The following MLIP variants were observed in gnomAD, a reference collection of about 807,000 sequenced individuals.
MLIP encodes the protein muscular LMNA-interacting protein.
A neutral mutation model predicts 84.8 loss-of-function variants in MLIP; 79 were observed. The observed-to-expected ratio is 0.93, with a 90% CI of 0.78 to 1.12. The LOEUF (loss-of-function observed/expected upper bound fraction) is 1.12. Ranked by LOEUF, MLIP falls within the 50% of genes most tolerant of loss-of-function variation. The pLI is 0.00. For missense variants in MLIP, 1,257 were observed against 1,160.6 expected (o/e 1.08, Z -1.21); for synonymous variants, 504 against 463.0 (o/e 1.09, Z -1.14).
At chr6:54,212,927 GT>G (rs1420598800) in intron 11 of MLIP, among the ~76,000 whole-genome samples, 2 of 152,130 alleles carry the variant, frequency 1.3e-5, no homozygotes, top group Non-Finnish European at 2.9e-5. Flanking sequence ...TATTTCTGCT[GT>G]AAATATACTT....
chr6:54,062,011 A>T (rs766017110), intron 1 of MLIP, among the ~76,000 whole-genome samples: 64 of 152,188 alleles, frequency 4.2e-4, no homozygotes, highest in Non-Finnish European at 8.8e-5. Context: ...CGTTTTAAAA[A>T]TTTCATTTTA....
At chr6:54,115,432 A>C (rs1769828537) in intron 1 of MLIP, among the ~76,000 whole-genome samples, 2 of 152,272 alleles carry the variant, frequency 1.3e-5, no homozygotes, top group African/African-American at 4.8e-5. Context: ...AAAATGTTAG[A>C]GTTGGACTAC....
intron 8 of MLIP, among the ~76,000 whole-genome samples, chr6:54,163,292 C>T (rs1487334406): frequency 6.6e-6 from 1 of 151,772 alleles, no homozygotes; most frequent in Non-Finnish European, 1.5e-5. Flanking sequence ...CTCAGAGCAG[C>T]ATATTTCTGC....
chr6:54,265,714 C>T (rs1783648081), intron 13 of MLIP, among the ~76,000 whole-genome samples: 1 of 152,066 alleles, frequency 6.6e-6, no homozygotes, highest in South Asian at 2.1e-4. Flanking sequence ...AACTGCTCTG[C>T]TGAACTGCCA....
chr6:54,131,508 A>G (rs887641093), intron 3 of MLIP, among the ~76,000 whole-genome samples: 40 of 152,238 alleles, frequency 2.6e-4, no homozygotes, highest in Non-Finnish European at 3.2e-4. Context: ...CACCTCTGTC[A>G]TATTCTATCA....
At chr6:54,230,155 A>G (rs1261652743) in intron 11 of MLIP, among the ~76,000 whole-genome samples, 17 of 152,158 alleles carry the variant, frequency 1.1e-4, no homozygotes. Flanking sequence ...TGAAGACCTT[A>G]TTCATTCTTT....
intron 1 of MLIP, among the ~76,000 whole-genome samples, chr6:54,067,319 G>T (rs1234565103): frequency 9.9e-6 from 1 of 101,086 alleles, no homozygotes; most frequent in African/African-American, 2.5e-5. Flanking sequence ...AAAGAAGACA[G>T]AAATTGACTT....
intron 12 of MLIP, among the ~76,000 whole-genome samples, chr6:54,250,235 A>G (rs1284273743): frequency 6.6e-6 from 1 of 152,132 alleles, no homozygotes; most frequent in Non-Finnish European, 1.5e-5. Flanking sequence ...GTCATGGAGA[A>G]AAAGAAACAC....
intron 5 of MLIP, among the ~76,000 whole-genome samples, chr6:54,155,897 T>G (rs1483546165): frequency 6.6e-6 from 1 of 152,122 alleles, no homozygotes; most frequent in African/African-American, 2.4e-5. Flanking sequence ...TAGTTAAGAA[T>G]TCTTTAAGAT....
At chr6:54,251,392 A>G (rs1205731674) in intron 12 of MLIP, among the ~76,000 whole-genome samples, 1 of 139,958 alleles carries the variant, frequency 7.1e-6, no homozygotes, top group Non-Finnish European at 1.5e-5. Flanking sequence ...GATTAAAAAC[A>G]CAAATACTTT....
chr6:54,041,227 T>C (rs544224162), intron 1 of MLIP, among the ~76,000 whole-genome samples: 1 of 152,276 alleles, frequency 6.6e-6, no homozygotes, highest in Admixed American at 6.6e-5. Flanking sequence ...GTTATAACAA[T>C]ATTGCTCCAT....
At chr6:54,251,146 G>C (rs1582628032) in intron 12 of MLIP, among the ~76,000 whole-genome samples, 1 of 151,948 alleles carries the variant, frequency 6.6e-6, no homozygotes, top group East Asian at 1.9e-4. Context: ...AGGACATTTT[G>C]AGTATAGTTA....
chr6:54,146,190 C>A lies in MLIP; in HGVS notation c.2218-2866C>A, dbSNP rs74786150. On this transcript the variant is annotated intron_variant, in intron 4 of 13. Transcript: ENST00000502396. The stretch of plus-strand genomic sequence containing the variant: ...TGATAGCCTACTCAGTGTGATCCAA[C>A]AGTATGAAGTAATTCCAACCTCCTT... 3.1e-4 allele frequency among the ~76,000 whole-genome samples: 47 copies of A among 152,258 alleles called. No individual in the cohort carries two copies. The East Asian group carries it at 8.5e-3, about 28-fold the overall frequency.
chr6:54,204,000 GA>G (rs1425343430), intron 11 of MLIP, among the ~76,000 whole-genome samples: 3 of 152,186 alleles, frequency 2.0e-5, no homozygotes, highest in Non-Finnish European at 4.4e-5. Context: ...AACTGGGTCT[GA>G]AATCCCTATG....
intron 10 of MLIP, among the ~76,000 whole-genome samples, chr6:54,201,157 C>T (rs1778650457): frequency 6.6e-6 from 1 of 152,140 alleles, no homozygotes; most frequent in Admixed American, 6.5e-5. Flanking sequence ...TGAAATTACC[C>T]CAAACTAGAG....
At chr6:54,257,937 A>G (rs1166967379) in intron 13 of MLIP, among the ~76,000 whole-genome samples, 1 of 152,108 alleles carries the variant, frequency 6.6e-6, no homozygotes, top group African/African-American at 2.4e-5. Context: ...GTAAATTCAA[A>G]CAACTTTCTT....
At chr6:54,022,511 G>A (rs1763553241) in intron 1 of MLIP, among the ~76,000 whole-genome samples, 1 of 152,112 alleles carries the variant, frequency 6.6e-6, no homozygotes, top group Non-Finnish European at 1.5e-5. Context: ...ATAACATGAA[G>A]TTACTTCTGG....
intron 3 of MLIP, among the ~76,000 whole-genome samples, chr6:54,134,318 A>G (rs1445903019): frequency 6.6e-6 from 1 of 152,156 alleles, no homozygotes; most frequent in Non-Finnish European, 1.5e-5. Context: ...CTTTTTATAA[A>G]AAAAGAATCC....
Position 54,262,396 on chromosome 6 carries a change from C to G in MLIP, c.2977-3554C>G, listed in dbSNP as rs376470038. On this transcript the variant is annotated intron_variant, in intron 13 of 13. Transcript: ENST00000502396. Reference sequence around the variant, plus strand: ...TCCATTTTATACATATTCTCAAGATCAACAATAATTAAGTTGGTCCTCAAG... The same window carrying G: ...TCCATTTTATACATATTCTCAAGATGAACAATAATTAAGTTGGTCCTCAAG... 3.4e-4 allele frequency among the ~76,000 whole-genome samples: 52 copies of G among 152,060 alleles called. 2 individuals carry two copies. The highest frequency in any genetic ancestry group is 1.2e-3 in the African/African-American group (51 of 41,508).
Sources: gnomAD v4.1 joint callset for allele counts (sites outside exome capture counted in the v4.1 genomes callset) on GRCh38, gnomAD v4.1.1 for gene constraint, MANE v1.5 for transcripts, NCBI Gene and HGNC (gene_info 2026-07-23, HGNC 2026-07-21) for gene names.